Variants in CEP162 observed in about 807,000 individuals in gnomAD.
The protein encoded by CEP162 is centrosomal protein 162, also known as centrosomal protein of 162 kDa.
In CEP162, 141 loss-of-function variants were observed where a neutral mutation model predicts 169.2. The ratio of observed to expected loss-of-function variants is 0.83; its 90% CI spans 0.73 to 0.96. The LOEUF (loss-of-function observed/expected upper bound fraction) is 0.96, where lower values mean the gene tolerates loss of function less well. Among genes scored for constraint, CEP162 ranks in the 40% least tolerant of loss-of-function variants. CEP162 has a pLI of 0.00. For missense variants in CEP162, 1,600 were observed against 1,587.2 expected, an observed-to-expected ratio of 1.01 and a Z score of -0.14; for synonymous variants, 540 against 526.4, an observed-to-expected ratio of 1.03 and a Z score of -0.35.
At chr6:84,195,688 T>G (rs2099541841) in intron 9 of CEP162, among the ~76,000 whole-genome samples, 3 of 152,326 alleles carry the variant, frequency 2.0e-5, no homozygotes, top group African/African-American at 7.2e-5. Context: ...TCTGCATGCC[T>G]TCTTCTTTTT....
At chr6:84,160,771 T>C (rs746819132) in intron 21 of CEP162, 41 bp downstream of exon 21, 3 of 1,220,824 alleles carry the variant, frequency 2.5e-6, no homozygotes, top group South Asian at 2.4e-5. Flanking sequence ...AAATGCACTA[T>C]ATATAAAATA....
intron 21 of CEP162, among the ~76,000 whole-genome samples, chr6:84,159,530 T>A (rs1024624747): frequency 2.5e-5 from 1 of 39,874 alleles, no homozygotes; most frequent in East Asian, 6.8e-4. Flanking sequence ...TATTTATATA[T>A]ATATATATAT....
At chr6:84,171,167 C>T (rs942542281) in intron 17 of CEP162, among the ~76,000 whole-genome samples, 2 of 152,210 alleles carry the variant, frequency 1.3e-5, no homozygotes, top group African/African-American at 4.8e-5. Flanking sequence ...TATATCATCT[C>T]CACAAGGACC....
chr6:84,126,648 T>G, intron 25 of CEP162, 136 bp from the exon 26 acceptor site: 1 of 559,434 alleles, frequency 1.8e-6, no homozygotes, highest in African/African-American at 1.9e-5. Context: ...AATTAATAGC[T>G]TTCATTCTCT....
At chr6:84,147,122 G>GTGAT (rs1190000759) in intron 24 of CEP162, among the ~76,000 whole-genome samples, 4 of 152,056 alleles carry the variant, frequency 2.6e-5, no homozygotes, top group Non-Finnish European at 5.9e-5. Context: ...GAAAAGAAAT[G>GTGAT]TGATATATAT....
intron 3 of CEP162, 62 bp downstream of exon 3, chr6:84,220,995 C>T: frequency 1.2e-6 from 1 of 815,312 alleles, no homozygotes; most frequent in Non-Finnish European, 2.1e-6. Context: ...TAACAAAATC[C>T]AGAAGTCTTG....
intron 9 of CEP162, 124 bp from the exon 10 acceptor site, chr6:84,195,199 T>A: frequency 1.3e-6 from 1 of 775,314 alleles, no homozygotes; most frequent in Non-Finnish European, 2.0e-6. Context: ...AACTAGGTAA[T>A]TTGCAGCTAT....
chr6:84,168,151 G>T (rs1378922784), intron 18 of CEP162, among the ~76,000 whole-genome samples: 1 of 152,078 alleles, frequency 6.6e-6, no homozygotes, highest in African/African-American at 2.4e-5. Flanking sequence ...ACAGCCTTTG[G>T]AACTAATGCT....
chr6:84,215,703 G>A, intron 4 of CEP162, 73 bp downstream of exon 4: 2 of 1,499,178 alleles, frequency 1.3e-6, no homozygotes, highest in Non-Finnish European at 1.8e-6. Flanking sequence ...GAGGCTTCAA[G>A]ATAATTTTTG....
chr6:84,129,261 C>A (rs942815892), intron 25 of CEP162, among the ~76,000 whole-genome samples: 90 of 152,272 alleles, frequency 5.9e-4, no homozygotes, highest in African/African-American at 1.8e-3. Context: ...CTTGAGGAGT[C>A]GCCACACTGT....
At chr6:84,180,253 A>C (rs1444897521) in intron 13 of CEP162, among the ~76,000 whole-genome samples, 3 of 152,200 alleles carry the variant, frequency 2.0e-5, no homozygotes, top group South Asian at 2.1e-4. Flanking sequence ...CCACATGATT[A>C]TCTCAATAGA....
chr6:84,152,940 C>T lies in CEP162; in HGVS notation c.3234G>A (p.Val1078=). 6.2e-7 allele frequency: 1 copy of T among 1,613,704 alleles called. No individual in the cohort carries two copies. The highest frequency in any genetic ancestry group is 1.1e-5 in the South Asian group (1 of 91,074). Residue 1078 remains valine (V), a synonymous_variant, in exon 23 of 27, where the codon GTG becomes GTA. Transcript: ENST00000403245. ...ATTTAGCTTTAGCATGAGCCTGTTC[C>T]ACCTGGAATTCTATAGACTGAAAAT... ...DEDFQSIEFQ[V]EQAHAKAKLV...
At chr6:84,155,847 CAA>C (rs1245264037) in intron 21 of CEP162, among the ~76,000 whole-genome samples, 2 of 152,118 alleles carry the variant, frequency 1.3e-5, no homozygotes, top group African/African-American at 2.4e-5. Context: ...ATCAAATTAC[CAA>C]AGTCATTTTT....
At position 84,124,932 on chromosome 6, in the gene CEP162, A is replaced by T; in HGVS notation, c.*138T>A. On this transcript the variant is annotated 3_prime_UTR_variant, in exon 27 of 27. Coordinates refer to ENST00000403245, the MANE Select transcript of CEP162 (RefSeq NM_014895.4). Reference sequence around the variant, plus strand: ...TTTTCTTATTGGTTAAAGGCAATTTATTTTGAAATGTTGCTTTGGTTGTTT... The same window carrying T: ...TTTTCTTATTGGTTAAAGGCAATTTTTTTTGAAATGTTGCTTTGGTTGTTT... 1 of 701,358 alleles carries T rather than the reference A, an allele frequency of 1.4e-6. No homozygotes were observed. The highest frequency in any genetic ancestry group is 2.4e-6 in the Non-Finnish European group (1 of 415,484). 43.4% of individuals were successfully genotyped at this position (701,358 alleles called of 1,614,324 possible). A position where few individuals can be genotyped will look rare whatever the true frequency, so the allele number is the denominator to read the frequency against.
chr6:84,166,260 C>T (rs565474766), intron 18 of CEP162, among the ~76,000 whole-genome samples: 5 of 152,160 alleles, frequency 3.3e-5, no homozygotes, highest in Non-Finnish European at 7.3e-5. Flanking sequence ...CTTCAAAGGC[C>T]TCTAGCTTCT....
At chr6:84,217,166 T>A (rs1213109589) in intron 3 of CEP162, among the ~76,000 whole-genome samples, 1 of 152,124 alleles carries the variant, frequency 6.6e-6, no homozygotes, top group Non-Finnish European at 1.5e-5. Flanking sequence ...GCTGGGGCTT[T>A]ATCAGTGAAT....
At chr6:84,196,439 T>C (rs764054781) in intron 9 of CEP162, among the ~76,000 whole-genome samples, 2 of 152,162 alleles carry the variant, frequency 1.3e-5, no homozygotes, top group Non-Finnish European at 2.9e-5. Context: ...AGCATGAAAA[T>C]GGACTAATAT....
In CEP162 at chr6:84,174,294, A is replaced by C; in HGVS notation, c.2026-106T>G. ...TATTTAGATCGAAAACTGTCTTATAATATTGAACATATTAGAATGTGACAT... is the reference window on the plus strand; with the variant it reads ...TATTTAGATCGAAAACTGTCTTATACTATTGAACATATTAGAATGTGACAT... On this transcript the variant is annotated intron_variant, in intron 15 of 26. Transcript: ENST00000403245. 3 of 873,330 alleles carry C rather than the reference A, an allele frequency of 3.4e-6. No individual in the cohort carries two copies. In the South Asian group the frequency reaches 5.4e-5, roughly 16 times the overall value. The allele number at this position is 873,330 out of a possible 1,614,324, so 54.1% of individuals were successfully genotyped here. A position where few individuals can be genotyped will look rare whatever the true frequency, so the allele number is the denominator to read the frequency against.
Position 84,146,705 on chromosome 6 carries a change from T to C in CEP162, c.3852A>G (p.Glu1284=), listed in dbSNP as rs2099519037. ...TTCTTACCTCTTTCTGTAGAATTTC[T>C]TCTCGAACTTCAGAAACTACGAGAG... ...QESLVVSEVR[E]EILQKEITKL... The change falls in exon 25 of 27, where the codon GAA becomes GAG. Residue 1284 remains glutamate (E), a synonymous_variant. Transcript: ENST00000403245. The C allele has an allele frequency of 1.9e-6, 3 of 1,565,028 alleles. No individual in the cohort carries two copies. The highest frequency in any genetic ancestry group is 2.3e-5 in the East Asian group (1 of 43,770).
Sources: gnomAD v4.1 joint callset for allele counts (sites outside exome capture counted in the v4.1 genomes callset) on GRCh38, gnomAD v4.1.1 for gene constraint, MANE v1.5 for transcripts, NCBI Gene and HGNC (gene_info 2026-07-23, HGNC 2026-07-21) for gene names.